Variants in RPL35 observed in about 807,000 individuals in gnomAD.
RPL35 encodes ribosomal protein L35, also known as large ribosomal subunit protein uL29.
Under a neutral mutation model 15.6 loss-of-function variants are expected in RPL35, and 2 were observed. The ratio of observed to expected loss-of-function variants is 0.13; its 90% confidence interval spans 0.05 to 0.40. The LOEUF is 0.40. RPL35 is among the 10% of genes least tolerant of loss of function. The pLI is 0.99. For missense variants in RPL35, 111 were observed against 164.7 expected, an observed-to-expected ratio of 0.67 and a Z score of 1.79; for synonymous variants, 93 against 67.9, an observed-to-expected ratio of 1.37 and a Z score of -1.82.
chr9:124,858,323 G>A, intron 3 of RPL35: 1 of 621,410 alleles, frequency 1.6e-6, no homozygotes, highest in Admixed American at 2.7e-5. Context: ...GAAGAGCCGG[G>A]GCTTGCATCT....
chr9:124,861,780 C>T, intron 1 of RPL35, 130 bp downstream of exon 1: 1 of 1,384,520 alleles, frequency 7.2e-7, no homozygotes, highest in African/African-American at 1.5e-5. Flanking sequence ...GTTGTGGTGG[C>T]GCCAGACCAT....
chr9:124,860,048 G>A lies in RPL35; in HGVS notation c.222+135C>T, dbSNP rs995110158. 25 of 688,220 alleles carry A rather than the reference G, an allele frequency of 3.6e-5. No homozygotes were observed. The East Asian group carries it at 6.7e-4, about 18-fold the overall frequency. The allele number at this position is 688,220 out of a possible 1,614,324, so 42.6% of individuals were successfully genotyped here. On this transcript the variant is annotated intron_variant, in intron 3 of 3. Coordinates refer to ENST00000348462, the MANE Select transcript of RPL35 (RefSeq NM_007209.4). ...GTGCAAGACACTGGTAGAAGAGTGA[G>A]CCCAGCAACAAATTGGGAAGGCTAA... is the stretch of plus-strand genomic sequence containing the variant.
chr9:124,859,133 C>T (rs1829157091), intron 3 of RPL35, among the ~76,000 whole-genome samples: 1 of 152,246 alleles, frequency 6.6e-6, no homozygotes, highest in African/African-American at 2.4e-5. Context: ...TTGCCACACA[C>T]GTGCTAGTGT....
intron 3 of RPL35, chr9:124,858,359 C>T: frequency 1.6e-6 from 1 of 636,670 alleles, no homozygotes; most frequent in East Asian, 2.7e-5. Flanking sequence ...CAACTCAGTG[C>T]TCCTTCCACT....
chr9:124,858,055 T>C lies in RPL35; in HGVS notation c.235A>G (p.Lys79Glu). The change falls in exon 4 of 4, where the codon AAG becomes GAG. Residue 79 changes from lysine to glutamate, a missense_variant. By Grantham distance (56) the Lys-to-Glu change is moderately conservative (BLOSUM62 1). Coordinates refer to ENST00000348462, the MANE Select transcript of RPL35 (RefSeq NM_007209.4). ...TTCTTAGGCCGCAGGTCCAGGGGCT[T>C]GTACTTCTTGCCCTGGGAGACAGAC... ...LRKFYKGKKY[K>E]PLDLRPKKTR... The C allele has an allele frequency of 6.2e-7, 1 of 1,612,474 alleles. No homozygotes were observed. The highest frequency in any genetic ancestry group is 1.1e-5 in the South Asian group (1 of 90,990).
rs747665656 is a variant in RPL35, at chr9:124,861,562, G to T, written c.4-7C>A. ...CTCGAGCCTTGATCTTGGCCTGCGC[G>T]CAAGAGAGAGTGTGCCTCAGCCAGG... On this transcript the variant is annotated splice_polypyrimidine_tract_variant and splice_region_variant and intron_variant, in intron 1 of 3. Transcript: ENST00000348462. The T allele has an allele frequency of 3.1e-6, 5 of 1,613,302 alleles. No individual in the cohort carries two copies. In the South Asian group the frequency reaches 4.4e-5, roughly 14 times the overall value.
At chr9:124,860,695 G>A (rs530787275) in intron 2 of RPL35, among the ~76,000 whole-genome samples, 1 of 152,316 alleles carries the variant, frequency 6.6e-6, no homozygotes, top group East Asian at 1.9e-4. Context: ...GAGCCAGGGA[G>A]AAGTTATTTG....
intron 1 of RPL35, 45 bp downstream of exon 1, chr9:124,861,865 C>G: frequency 1.9e-6 from 3 of 1,600,118 alleles, no homozygotes; most frequent in Non-Finnish European, 2.6e-6. Context: ...CCCCAACCCC[C>G]GCGCCTCACA....
At chr9:124,861,185 T>A (rs1829191581) in intron 2 of RPL35, 1 of 506,228 alleles carries the variant, frequency 2.0e-6, no homozygotes. Context: ...GGGGTCCGGG[T>A]AGGCTTTGAA....
At chr9:124,861,845 G>A in intron 1 of RPL35, 65 bp downstream of exon 1, 3 of 1,586,250 alleles carry the variant, frequency 1.9e-6, no homozygotes, top group Non-Finnish European at 2.6e-6. Context: ...GGCTCAGCCC[G>A]CACCGCCTTC....
intron 1 of RPL35, 43 bp from the exon 2 acceptor site, chr9:124,861,598 A>G (rs200773797): frequency 1.6e-5 from 25 of 1,605,120 alleles, no homozygotes; most frequent in Non-Finnish European, 2.1e-5. Context: ...CCGCGGGGCC[A>G]TATCCCCTTC....
At chr9:124,860,033 C>T (rs994921003) in intron 3 of RPL35, 150 bp downstream of exon 3, 26 of 658,208 alleles carry the variant, frequency 4.0e-5, no homozygotes, top group Non-Finnish European at 6.1e-5. Flanking sequence ...GTGCAAGACA[C>T]TGGTAGAAGA....
At chr9:124,860,997 A>G (rs1829187835) in intron 2 of RPL35, 1 of 165,792 alleles carries the variant, frequency 6.0e-6, no homozygotes, top group Non-Finnish European at 1.3e-5. Context: ...ACACCCATCT[A>G]ATTTTTTTTT....
intron 3 of RPL35, 54 bp downstream of exon 3, chr9:124,860,129 C>T (rs530826480): frequency 7.6e-6 from 10 of 1,318,934 alleles, no homozygotes; most frequent in South Asian, 2.3e-5. Context: ...CGGCCAGGGA[C>T]GGCTAGCACT....
chr9:124,858,638 ATC>A, intron 3 of RPL35: 1 of 641,726 alleles, frequency 1.6e-6, no homozygotes, highest in Non-Finnish European at 2.9e-6. Flanking sequence ...CAGAGCCATC[ATC>A]TGTCTTTCCA....
In RPL35 at chr9:124,861,414, C is replaced by T. The variant is rs1032434312; in HGVS notation, c.140+5G>A. The T allele has an allele frequency of 1.2e-6, 2 of 1,610,528 alleles. No homozygotes were observed. Among genetic ancestry groups the T allele is most frequent in the Non-Finnish European group, 1.7e-6 (2 of 1,178,666 alleles). On this transcript the variant is annotated splice_donor_5th_base_variant and intron_variant, in intron 2 of 3. Transcript: ENST00000348462. ...CGAGGGCTGTGATCCGGCCGCCTCA[C>T]TTACATCTTAGAGAGCTTGGAGGCC...
At position 124,861,936 on chromosome 9, in the gene RPL35, C is replaced by G. The variant is rs1454481475; in HGVS notation, c.-24G>C. 3.1e-6 allele frequency: 5 copies of G among 1,598,382 alleles called. No individual in the cohort carries two copies. The African/African-American group carries it at 6.8e-5, about 22-fold the overall frequency. On this transcript the variant is annotated 5_prime_UTR_variant, in exon 1 of 4. Coordinates refer to ENST00000348462, the MANE Select transcript of RPL35 (RefSeq NM_007209.4). The stretch of plus-strand genomic sequence containing the variant: ...ATTGCTGCACAAGCCGCCAACGCCG[C>G]CGCCCGCTCCGAGGGAAAGAGGAAG...
chr9:124,857,915 C>A lies in RPL35; in HGVS notation c.*3G>T. On this transcript the variant is annotated 3_prime_UTR_variant, in exon 4 of 4. Coordinates refer to ENST00000348462, the MANE Select transcript of RPL35 (RefSeq NM_007209.4). Reference sequence around the variant, plus strand: ...CAGCTGTGCTTTATTGACAATGCGCCCCTCAGGCCTTGACCGCGTACTTCC... The same window carrying A: ...CAGCTGTGCTTTATTGACAATGCGCACCTCAGGCCTTGACCGCGTACTTCC... 1 of 1,611,888 alleles carries A rather than the reference C, an allele frequency of 6.2e-7. No homozygotes were observed. The highest frequency in any genetic ancestry group is 1.1e-5 in the South Asian group (1 of 90,994).
At chr9:124,860,072 AACC>A (rs1209068588) in intron 3 of RPL35, 108 bp downstream of exon 3, 2 of 789,228 alleles carry the variant, frequency 2.5e-6, no homozygotes, top group Non-Finnish European at 4.5e-6. Context: ...TGGGAAGGCT[AACC>A]ACTCTCAGCC....
Sources: gnomAD v4.1 joint callset for allele counts (sites outside exome capture counted in the v4.1 genomes callset) on GRCh38, gnomAD v4.1.1 for gene constraint, MANE v1.5 for transcripts, NCBI Gene and HGNC (gene_info 2026-07-23, HGNC 2026-07-21) for gene names.